NOL10: variants seen among roughly 807,000 people sequenced by gnomAD.
NOL10 encodes the protein H_NH0074G24.1.
In NOL10, 58 loss-of-function variants were observed where a neutral mutation model predicts 103.5. The ratio of observed to expected loss-of-function variants is 0.56; its 90% CI spans 0.45 to 0.70. The LOEUF is 0.70. Ranked by LOEUF, NOL10 falls within the 30% of genes least tolerant of loss-of-function variation. NOL10 has a pLI of 0.00. For synonymous variants in NOL10, 287 were observed against 282.5 expected, an observed-to-expected ratio of 1.02 and a Z score of -0.16; for missense variants, 763 against 807.3, an observed-to-expected ratio of 0.95 and a Z score of 0.67.
intron 19 of NOL10, among the ~76,000 whole-genome samples, chr2:10,581,017 C>T (rs1419906917): frequency 6.6e-6 from 1 of 152,078 alleles, no homozygotes; most frequent in Non-Finnish European, 1.5e-5. Context: ...AAATAACTAC[C>T]TTTGACAAAT....
intron 6 of NOL10, among the ~76,000 whole-genome samples, chr2:10,670,504 G>A (rs1450702179): frequency 1.3e-5 from 2 of 152,210 alleles, no homozygotes; most frequent in Non-Finnish European, 2.9e-5. Flanking sequence ...GGAGGCCGAG[G>A]TGGGTGGATC....
At chr2:10,609,769 C>T (rs1676457191) in intron 13 of NOL10, among the ~76,000 whole-genome samples, 1 of 152,180 alleles carries the variant, frequency 6.6e-6, no homozygotes, top group South Asian at 2.1e-4. Context: ...GGTGTACTCC[C>T]TAAAACAGCA....
rs551927133 is a variant in NOL10, at chr2:10,609,469, G to A, written c.1027-2158C>T. On this transcript the variant is annotated intron_variant, in intron 13 of 20. Coordinates refer to ENST00000381685, the MANE Select transcript of NOL10 (RefSeq NM_024894.4). ...AAAAAAAAAAATCAGGCGCGGTGGC[G>A]GATGCCTGTAGTCCCAGTTACTCGG... Among the ~76,000 whole-genome samples the A allele has an allele frequency of 1.5e-4, 23 of 151,096 alleles. No individual in the cohort carries two copies. In the South Asian group the frequency reaches 1.9e-3, roughly 12 times the overall value.
intron 13 of NOL10, among the ~76,000 whole-genome samples, chr2:10,622,726 AT>A (rs372472161): frequency 1.9e-4 from 29 of 151,470 alleles, no homozygotes; most frequent in African/African-American, 5.3e-4. Flanking sequence ...AATAAAGATG[AT>A]TTTTTTTTCT....
At chr2:10,572,426 A>G (rs1674228673) in intron 20 of NOL10, among the ~76,000 whole-genome samples, 1 of 152,158 alleles carries the variant, frequency 6.6e-6, no homozygotes. Flanking sequence ...AAAAGCAGAA[A>G]TTCTGAACCC....
chr2:10,682,083 A>G lies in NOL10; in HGVS notation c.113-14T>C. The G allele has an allele frequency of 2.3e-6, 3 of 1,282,228 alleles. No homozygotes were observed. The highest frequency in any genetic ancestry group is 3.2e-6 in the Non-Finnish European group (3 of 941,924). 79.4% of individuals were successfully genotyped at this position (1,282,228 alleles called of 1,614,324 possible). On this transcript the variant is annotated splice_polypyrimidine_tract_variant and intron_variant, in intron 2 of 20. Transcript: ENST00000381685. ...TCCTACGGACATCTAAAAAGAGAGA[A>G]AAAAACAACTAGTTTAACTAACATG...
rs936757790 is a variant in NOL10 at position 10,671,711 on chromosome 2, T to A, written c.328-21A>T. 1.1e-5 allele frequency: 16 copies of A among 1,523,208 alleles called. No individual in the cohort carries two copies. In the African/African-American group the frequency reaches 2.1e-4, roughly 20 times the overall value. The allele number at this position is 1,523,208 out of a possible 1,614,324, so 94.4% of individuals were successfully genotyped here. A position where few individuals can be genotyped will look rare whatever the true frequency, so the allele number is the denominator to read the frequency against. On this transcript the variant is annotated intron_variant, in intron 5 of 20. Coordinates refer to ENST00000381685, the MANE Select transcript of NOL10 (RefSeq NM_024894.4). ...ACAATCTGAAAATAAAACAAAAAAA[T>A]TAGTTTGCTTAGGTTTCTAGTTAGG...
At chr2:10,594,024 C>T (rs1371336121) in intron 17 of NOL10, among the ~76,000 whole-genome samples, 1 of 152,222 alleles carries the variant, frequency 6.6e-6, no homozygotes, top group Non-Finnish European at 1.5e-5. Context: ...TTTTTTAACT[C>T]TCTTATTCCT....
intron 19 of NOL10, among the ~76,000 whole-genome samples, chr2:10,583,494 ATG>A (rs1674867455): frequency 6.6e-6 from 1 of 152,198 alleles, no homozygotes; most frequent in South Asian, 2.1e-4. Flanking sequence ...GGTTTACTGA[ATG>A]TGACACAGAA....
At chr2:10,668,107 G>A (rs1476110415) in intron 7 of NOL10, among the ~76,000 whole-genome samples, 2 of 152,128 alleles carry the variant, frequency 1.3e-5, no homozygotes, top group African/African-American at 4.8e-5. Flanking sequence ...AGTTTAAAAT[G>A]AGATAATAAA....
At position 10,572,019 on chromosome 2, in the gene NOL10, A is replaced by C; in HGVS notation, c.*52T>G. The C allele has an allele frequency of 6.3e-7, 1 of 1,595,306 alleles. No homozygotes were observed. The highest frequency in any genetic ancestry group is 8.6e-7 in the Non-Finnish European group (1 of 1,166,176). On this transcript the variant is annotated 3_prime_UTR_variant, in exon 21 of 21. Coordinates refer to ENST00000381685, the MANE Select transcript of NOL10 (RefSeq NM_024894.4). ...TGTGTTTAACACCCTAACGATGATC[A>C]GTTTGGGGGAGACGTACCCCTCCCT... is the stretch of plus-strand genomic sequence containing the variant.
chr2:10,590,508 A>G (rs964688786), intron 17 of NOL10, among the ~76,000 whole-genome samples: 2 of 152,232 alleles, frequency 1.3e-5, no homozygotes, highest in African/African-American at 4.8e-5. Flanking sequence ...TCAGTAACTC[A>G]CATGGTGGGA....
At chr2:10,610,780 C>T (rs966553049) in intron 13 of NOL10, among the ~76,000 whole-genome samples, 8 of 152,170 alleles carry the variant, frequency 5.3e-5, no homozygotes, top group Non-Finnish European at 8.8e-5. Flanking sequence ...TAAACCTCAA[C>T]TAATCCTTTG....
chr2:10,654,920 C>G lies in NOL10; in HGVS notation c.907-373G>C, dbSNP rs541489141. On this transcript the variant is annotated intron_variant, in intron 11 of 20. Coordinates refer to ENST00000381685, the MANE Select transcript of NOL10 (RefSeq NM_024894.4). ...CAGCTTAACTTGTATTGAAAGAAAT[C>G]GGAAGACAGCTGGGAGCAGTGGCTC... Among the ~76,000 whole-genome samples the G allele has an allele frequency of 9.2e-5, 14 of 152,082 alleles. No homozygotes were observed. The East Asian group carries it at 2.7e-3, about 29-fold the overall frequency.
intron 4 of NOL10, among the ~76,000 whole-genome samples, chr2:10,674,326 A>C (rs772818749): frequency 5.3e-5 from 8 of 152,110 alleles, no homozygotes; most frequent in Non-Finnish European, 8.8e-5. Flanking sequence ...CCTCAATCCC[A>C]AATTCTAGGC....
At chr2:10,587,998 C>T (rs1264024644) in intron 19 of NOL10, among the ~76,000 whole-genome samples, 2 of 152,178 alleles carry the variant, frequency 1.3e-5, no homozygotes, top group Non-Finnish European at 2.9e-5. Context: ...GCTCCCCAGA[C>T]ATTCCACTAT....
chr2:10,571,966 G>C lies in NOL10; in HGVS notation c.*105C>G. On this transcript the variant is annotated 3_prime_UTR_variant, in exon 21 of 21. Coordinates refer to ENST00000381685, the MANE Select transcript of NOL10 (RefSeq NM_024894.4). ...TACCTCTGTGTACAAGAACGTACAT[G>C]AACTTTAAAAACGTGTGTTTCCTCG... 7.4e-7 allele frequency: 1 copy of C among 1,349,674 alleles called. No homozygotes were observed. The highest frequency in any genetic ancestry group is 1.0e-6 in the Non-Finnish European group (1 of 970,194). The allele number at this position is 1,349,674 out of a possible 1,614,324, so 83.6% of individuals were successfully genotyped here.
intron 13 of NOL10, among the ~76,000 whole-genome samples, chr2:10,617,514 G>A (rs1454944457): frequency 6.6e-6 from 1 of 152,160 alleles, no homozygotes; most frequent in Non-Finnish European, 1.5e-5. Context: ...GGGGACCTGG[G>A]GGAGGGACTG....
At chr2:10,628,969 G>C (rs184671761) in intron 13 of NOL10, among the ~76,000 whole-genome samples, 1 of 152,034 alleles carries the variant, frequency 6.6e-6, no homozygotes, top group East Asian at 1.9e-4. Flanking sequence ...ACGTTTTCTC[G>C]GTTGAGAAAG....
Sources: allele counts gnomAD v4.1 joint callset (sites outside exome capture counted in the v4.1 genomes callset), GRCh38; gene constraint gnomAD v4.1.1; transcripts MANE v1.5; gene names NCBI Gene and HGNC (gene_info 2026-07-23, HGNC 2026-07-21).